OSBPL10: variants seen among roughly 807,000 people sequenced by gnomAD.
OSBPL10 encodes oxysterol binding protein like 10.
In OSBPL10, 49 loss-of-function variants were observed where a neutral mutation model predicts 81.7. The observed-to-expected ratio is 0.60, with a 90% CI of 0.48 to 0.76. The LOEUF (loss-of-function observed/expected upper bound fraction) is 0.76. Among genes scored for constraint, OSBPL10 ranks in the 30% least tolerant of loss-of-function variants. The pLI, the probability that OSBPL10 is intolerant of heterozygous loss-of-function variation, is 0.00. For missense variants in OSBPL10, 923 were observed against 987.8 expected, an observed-to-expected ratio of 0.93 and a Z score of 0.88; for synonymous variants, 419 against 383.6, an observed-to-expected ratio of 1.09 and a Z score of -1.08.
intron 2 of OSBPL10, among the ~76,000 whole-genome samples, chr3:32,016,085 T>C (rs562788646): frequency 5.9e-5 from 9 of 152,208 alleles, no homozygotes; most frequent in African/African-American, 7.2e-5. Flanking sequence ...ACCCAGCCAT[T>C]CCATTACTGG....
chr3:31,698,239 C>G (rs1401022952), intron 7 of OSBPL10, among the ~76,000 whole-genome samples: 1 of 151,800 alleles, frequency 6.6e-6, no homozygotes, highest in Non-Finnish European at 1.5e-5. Flanking sequence ...CACTTGAGGT[C>G]AGGAGTTTGA....
At chr3:31,999,945 C>T (rs1699128988) in intron 2 of OSBPL10, among the ~76,000 whole-genome samples, 1 of 152,100 alleles carries the variant, frequency 6.6e-6, no homozygotes. Context: ...TTCATAAGAG[C>T]CTCTTCTAAA....
At chr3:32,029,066 C>T (rs939242172) in intron 2 of OSBPL10, among the ~76,000 whole-genome samples, 11 of 151,664 alleles carry the variant, frequency 7.3e-5, no homozygotes, top group Non-Finnish European at 1.2e-4. Context: ...TGGTCACAGC[C>T]GGCACCAGTG....
intron 1 of OSBPL10, among the ~76,000 whole-genome samples, chr3:31,936,864 G>A (rs7626707): frequency 0.029 from 4,345 of 152,194 alleles, 217 homozygotes; most frequent in African/African-American, 0.1. Context: ...TTATCACACC[G>A]TGTAACCAAG....
chr3:31,730,557 T>C (rs1696944004), intron 6 of OSBPL10, among the ~76,000 whole-genome samples: 1 of 152,192 alleles, frequency 6.6e-6, no homozygotes, highest in Non-Finnish European at 1.5e-5. Flanking sequence ...ACTCATTTCA[T>C]TATAGAAGAA....
At chr3:31,662,171 G>A in intron 11 of OSBPL10, 55 bp from the exon 12 acceptor site, 1 of 1,612,018 alleles carries the variant, frequency 6.2e-7, no homozygotes, top group South Asian at 1.1e-5. Context: ...CAGGGAAAAG[G>A]GGAAGCAAGG....
At chr3:31,662,189 C>T (rs1000273743) in intron 11 of OSBPL10, 73 bp from the exon 12 acceptor site, 7 of 1,607,480 alleles carry the variant, frequency 4.4e-6, no homozygotes, top group Non-Finnish European at 5.9e-6. Flanking sequence ...AGGATAACCG[C>T]AGCCACTCTG....
intron 7 of OSBPL10, among the ~76,000 whole-genome samples, chr3:31,697,012 C>A (rs915583019): frequency 9.2e-5 from 14 of 152,218 alleles, no homozygotes; most frequent in African/African-American, 2.7e-4. Flanking sequence ...ACACTGATGA[C>A]TTCCAATGAA....
intron 1 of OSBPL10, among the ~76,000 whole-genome samples, chr3:31,888,201 G>C (rs1695792083): frequency 6.6e-6 from 1 of 152,040 alleles, no homozygotes; most frequent in African/African-American, 2.4e-5. Context: ...TTTTGACAAA[G>C]GCACCAAAAA....
intron 4 of OSBPL10, among the ~76,000 whole-genome samples, chr3:31,824,998 C>T (rs1700067814): frequency 6.6e-6 from 1 of 152,076 alleles, no homozygotes; most frequent in Non-Finnish European, 1.5e-5. Context: ...CAGAGGAGGT[C>T]CTAAGTCCCC....
At chr3:31,812,049 C>T (rs941917345) in intron 4 of OSBPL10, among the ~76,000 whole-genome samples, 1 of 152,120 alleles carries the variant, frequency 6.6e-6, no homozygotes, top group Admixed American at 6.5e-5. Flanking sequence ...TATTTTGAGA[C>T]AGAGTCTTGC....
intron 4 of OSBPL10, among the ~76,000 whole-genome samples, chr3:31,750,852 C>G (rs1226842052): frequency 2.0e-5 from 3 of 151,984 alleles, no homozygotes; most frequent in Non-Finnish European, 2.9e-5. Flanking sequence ...ACAAAAAGAA[C>G]TATATTCCAA....
rs1427101229 is a variant in OSBPL10, at chr3:31,837,318, AAATTATATATATATATAT to A, written c.538-7105_538-7088del. Among the ~76,000 whole-genome samples, 248 of 97,540 alleles carry A rather than the reference AAATTATATATATATATAT, an allele frequency of 2.5e-3. 2 individuals carry two copies. The highest frequency in any genetic ancestry group is 0.018 in the South Asian group (50 of 2,722). The allele number at this position is 97,540 out of a possible 152,430, so 64.0% of individuals were successfully genotyped here. ...TATATTCCTAGAATTACAGATCCCCAAATTATATATATATATATATATATATATATATATATATATATA... is the reference window on the plus strand; with the variant it reads ...TATATTCCTAGAATTACAGATCCCCAATATATATATATATATATATATATA... On this transcript the variant is annotated intron_variant, in intron 3 of 11. Transcript: ENST00000396556.
rs192078576 is a variant in OSBPL10 at position 31,876,422 on chromosome 3, C to A, written c.537+11G>T. The A allele has an allele frequency of 5.0e-6, 8 of 1,600,846 alleles. No homozygotes were observed. In the African/African-American group the frequency reaches 6.7e-5, roughly 13 times the overall value. On this transcript the variant is annotated intron_variant, in intron 3 of 11. Transcript: ENST00000396556. ...ATTCGAATGCCTCCTTCCTTTCTCA[C>A]GGTGACTTACCTTAGAATTCATTTC...
chr3:31,683,793 T>C lies in OSBPL10; in HGVS notation c.1567A>G (p.Ser523Gly). The C allele has an allele frequency of 1.2e-6, 2 of 1,614,182 alleles. No homozygotes were observed. The highest frequency in any genetic ancestry group is 1.3e-5 in the African/African-American group (1 of 75,034). ...TCAGCCACAAACCTTAGTTTGTAGC[T>C]TTTGGAAGGGTCATCGGCCATTGGG... Reference protein sequence around the residue: ...EHPMADDPSKSYKLRFVAEQV... With the variant: ...EHPMADDPSKGYKLRFVAEQV... Residue 523 changes from serine to glycine, a missense_variant, in exon 8 of 12, where the codon AGC becomes GGC. This residue lies in a region of OSBPL10 where 387 missense variants were observed against 436.3 expected (regional missense o/e 0.89). Coordinates refer to ENST00000396556, the MANE Select transcript of OSBPL10 (RefSeq NM_017784.5).
chr3:31,771,913 T>C (rs1376126421), intron 4 of OSBPL10, among the ~76,000 whole-genome samples: 1 of 152,172 alleles, frequency 6.6e-6, no homozygotes, highest in Non-Finnish European at 1.5e-5. Context: ...AGCCCAACCC[T>C]CAGTTTGGTC....
intron 1 of OSBPL10, among the ~76,000 whole-genome samples, chr3:32,073,657 C>T (rs1352708940): frequency 6.6e-6 from 1 of 152,170 alleles, no homozygotes. Flanking sequence ...GCAGTCACCC[C>T]CACTACTTGG....
At chr3:31,924,052 A>C (rs943657662) in intron 1 of OSBPL10, among the ~76,000 whole-genome samples, 4 of 151,902 alleles carry the variant, frequency 2.6e-5, no homozygotes, top group Non-Finnish European at 4.4e-5. Flanking sequence ...CCCTGTCTTT[A>C]CTAAAAATAC....
chr3:31,871,483 T>G (rs60216110), intron 3 of OSBPL10, among the ~76,000 whole-genome samples: 8,457 of 152,264 alleles, frequency 0.056, 782 homozygotes, highest in African/African-American at 0.19. Context: ...GGCTTCATTC[T>G]TGAAGTCAGT....
Sources: gnomAD v4.1 joint callset for allele counts (sites outside exome capture counted in the v4.1 genomes callset) on GRCh38, gnomAD v4.1.1 for gene constraint, gnomAD v4.1.1 regional missense constraint, MANE v1.5 for transcripts, NCBI Gene and HGNC (gene_info 2026-07-23, HGNC 2026-07-21) for gene names.